TBC1D22A: variants seen among roughly 807,000 people sequenced by gnomAD.
TBC1D22A encodes the protein TBC1 domain family member 22A, also known as putative GTPase activator.
TBC1D22A carries 38 observed loss-of-function variants against 60.2 expected under a neutral mutation model. The ratio of observed to expected loss-of-function variants is 0.63; its 90% CI spans 0.49 to 0.83. The LOEUF is 0.83. Among genes scored for constraint, TBC1D22A ranks in the 40% least tolerant of loss-of-function variants. The pLI is 0.00. For synonymous variants in TBC1D22A, 302 were observed against 281.7 expected, an observed-to-expected ratio of 1.07 and a Z score of -0.72; for missense variants, 628 against 701.0, an observed-to-expected ratio of 0.90 and a Z score of 1.18.
intron 8 of TBC1D22A, among the ~76,000 whole-genome samples, chr22:46,972,778 A>T (rs2074122459): frequency 6.6e-6 from 1 of 152,166 alleles, no homozygotes. Flanking sequence ...TGGCGGATGA[A>T]TTATCTCTCC....
chr22:47,040,008 G>A (rs112862214), intron 11 of TBC1D22A, among the ~76,000 whole-genome samples: 2 of 142,342 alleles, frequency 1.4e-5, no homozygotes, highest in South Asian at 2.3e-4. Context: ...GCAGTGGTGC[G>A]ATCTCGGCCC....
chr22:47,164,495 G>C (rs963881418), intron 12 of TBC1D22A, among the ~76,000 whole-genome samples: 1 of 152,232 alleles, frequency 6.6e-6, no homozygotes, highest in Non-Finnish European at 1.5e-5. Context: ...GGGACGGCCT[G>C]TGCCTTGGCA....
At chr22:46,890,722 T>C (rs1434616221) in intron 5 of TBC1D22A, among the ~76,000 whole-genome samples, 2 of 152,194 alleles carry the variant, frequency 1.3e-5, no homozygotes, top group Non-Finnish European at 2.9e-5. Flanking sequence ...GTCCCCTTTA[T>C]GTACTGAGAC....
chr22:46,828,237 C>T (rs566189797), intron 4 of TBC1D22A, among the ~76,000 whole-genome samples: 21 of 152,194 alleles, frequency 1.4e-4, no homozygotes, highest in Middle Eastern at 3.4e-3. Context: ...TTCTCACCCA[C>T]GGATTAATAA....
chr22:46,799,416 T>C lies in TBC1D22A; in HGVS notation c.637+1796T>C, dbSNP rs534666224. On this transcript the variant is annotated intron_variant, in intron 4 of 12. Coordinates refer to ENST00000337137, the MANE Select transcript of TBC1D22A (RefSeq NM_014346.5). ...CTTTACCTCTGAAACCTTCGCTGCATATTTCCTAAGCACAAAGACATTCCC... is the reference window on the plus strand; with the variant it reads ...CTTTACCTCTGAAACCTTCGCTGCACATTTCCTAAGCACAAAGACATTCCC... Among the ~76,000 whole-genome samples the C allele has an allele frequency of 3.3e-5, 5 of 152,350 alleles. No homozygotes were observed. The South Asian group carries it at 1.0e-3, about 32-fold the overall frequency.
chr22:46,950,866 C>T (rs1194630677), intron 8 of TBC1D22A, among the ~76,000 whole-genome samples: 1 of 152,170 alleles, frequency 6.6e-6, no homozygotes, highest in Non-Finnish European at 1.5e-5. Context: ...TATTTTTCTC[C>T]AGTTTACCAG....
At chr22:47,150,317 AC>A (rs1012970852) in intron 12 of TBC1D22A, among the ~76,000 whole-genome samples, 2 of 152,220 alleles carry the variant, frequency 1.3e-5, no homozygotes, top group Middle Eastern at 3.4e-3. Context: ...GGCTGCACTC[AC>A]AGTGGGGTGG....
In TBC1D22A at chr22:46,879,174, ATGAGACAAGTGGTTTGTGTTTCTGTGGG is replaced by A. The variant is rs1347546754; in HGVS notation, c.708+457_708+484del. Among the ~76,000 whole-genome samples the A allele has an allele frequency of 3.0e-4, 44 of 147,006 alleles. No individual in the cohort carries two copies. The East Asian group carries it at 8.0e-3, about 27-fold the overall frequency. On this transcript the variant is annotated intron_variant, in intron 5 of 12. Transcript: ENST00000337137. ...GCTGTTAGGAAAAGAGAAGAAATGGATGAGACAAGTGGTTTGTGTTTCTGTGGGTGAGAGAAGTGGTTTGTGTTTCTGT... is the reference window on the plus strand; with the variant it reads ...GCTGTTAGGAAAAGAGAAGAAATGGATGAGAGAAGTGGTTTGTGTTTCTGT...
At chr22:46,888,919 T>G (rs2068253828) in intron 5 of TBC1D22A, among the ~76,000 whole-genome samples, 1 of 152,332 alleles carries the variant, frequency 6.6e-6, no homozygotes, top group South Asian at 2.1e-4. Context: ...TTGGCCAGGC[T>G]GGTCTTGAAC....
At chr22:46,965,008 C>A (rs1170805553) in intron 8 of TBC1D22A, among the ~76,000 whole-genome samples, 1 of 152,160 alleles carries the variant, frequency 6.6e-6, no homozygotes, top group African/African-American at 2.4e-5. Context: ...GGCCGAGCGT[C>A]AGAGTGATTT....
At chr22:46,811,344 G>A (rs1416899427) in intron 4 of TBC1D22A, among the ~76,000 whole-genome samples, 1 of 152,226 alleles carries the variant, frequency 6.6e-6, no homozygotes, top group Admixed American at 6.5e-5. Context: ...CGTCAGACAC[G>A]AGTAGGTGCC....
intron 4 of TBC1D22A, among the ~76,000 whole-genome samples, chr22:46,824,715 G>A (rs1299602448): frequency 6.6e-6 from 1 of 152,072 alleles, no homozygotes; most frequent in African/African-American, 2.4e-5. Flanking sequence ...AGAAGTCTGG[G>A]GTTTGAGGGG....
chr22:46,836,326 T>G (rs779141261), intron 4 of TBC1D22A, among the ~76,000 whole-genome samples: 2 of 152,208 alleles, frequency 1.3e-5, no homozygotes, highest in African/African-American at 4.8e-5. Flanking sequence ...AAAATGTGCA[T>G]GTGTGTATTT....
rs73473642 is a variant in TBC1D22A, at chr22:47,077,117, G to A, written c.1330-34391G>A. Reference sequence around the variant, plus strand: ...GGGCACATGACCACTTGTTCCTGGTGCCAATGGCTCAGCTAAAAATTGTGG... The same window carrying A: ...GGGCACATGACCACTTGTTCCTGGTACCAATGGCTCAGCTAAAAATTGTGG... On this transcript the variant is annotated intron_variant, in intron 11 of 12. Transcript: ENST00000337137. 9.0e-3 allele frequency among the ~76,000 whole-genome samples: 1,366 copies of A among 152,284 alleles called. 14 individuals carry two copies. Among genetic ancestry groups the A allele is most frequent in the African/African-American group, 0.031 (1,302 of 41,558 alleles).
At chr22:46,807,063 C>T (rs193294845) in intron 4 of TBC1D22A, among the ~76,000 whole-genome samples, 12 of 152,344 alleles carry the variant, frequency 7.9e-5, no homozygotes, top group South Asian at 4.1e-4. Context: ...CCTGCTCAAC[C>T]GCAGATTCTA....
intron 11 of TBC1D22A, among the ~76,000 whole-genome samples, chr22:47,099,006 C>T (rs1263119131): frequency 6.6e-6 from 1 of 152,192 alleles, no homozygotes; most frequent in African/African-American, 2.4e-5. Context: ...GATGAATTTC[C>T]CATCCTAGCC....
intron 7 of TBC1D22A, 68 bp downstream of exon 7, chr22:46,894,914 C>A: frequency 6.4e-7 from 1 of 1,562,988 alleles, no homozygotes; most frequent in Non-Finnish European, 8.8e-7. Flanking sequence ...GCTAACCAGA[C>A]AGTGGGCGCA....
chr22:46,892,540 G>A (rs867496551), intron 6 of TBC1D22A, among the ~76,000 whole-genome samples: 13 of 152,266 alleles, frequency 8.5e-5, no homozygotes, highest in Middle Eastern at 3.4e-3. Flanking sequence ...GCACTGGACC[G>A]CCACCCAGTT....
At chr22:46,768,530 TCTGA>T (rs2083376231) in intron 1 of TBC1D22A, among the ~76,000 whole-genome samples, 1 of 150,220 alleles carries the variant, frequency 6.7e-6, no homozygotes, top group Non-Finnish European at 1.5e-5. Flanking sequence ...AGGTTCAGTC[TCTGA>T]CTGTCTGGGC....
Sources: gnomAD v4.1 joint callset for allele counts (sites outside exome capture counted in the v4.1 genomes callset) on GRCh38, gnomAD v4.1.1 for gene constraint, MANE v1.5 for transcripts, NCBI Gene and HGNC (gene_info 2026-07-23, HGNC 2026-07-21) for gene names.